Variants in RB1CC1 observed in about 807,000 individuals in gnomAD.
The protein encoded by RB1CC1 is RB1-inducible coiled-coil protein 1.
A neutral mutation model predicts 177.5 loss-of-function variants in RB1CC1; 46 were observed. That is an observed-to-expected ratio of 0.26 (90% confidence interval 0.20 to 0.33). The LOEUF (loss-of-function observed/expected upper bound fraction) is 0.33. Among genes scored for constraint, RB1CC1 ranks in the 10% least tolerant of loss-of-function variants. The pLI, the probability that RB1CC1 is intolerant of heterozygous loss-of-function variation, is 1.00. For missense variants in RB1CC1, 1,703 were observed against 1,816.3 expected, an observed-to-expected ratio of 0.94 and a Z score of 1.13; for synonymous variants, 666 against 613.6, an observed-to-expected ratio of 1.09 and a Z score of -1.26.
Position 52,674,086 on chromosome 8 carries a change from A to G in RB1CC1, c.761T>C (p.Leu254Ser), listed in dbSNP as rs1852851326. 6.2e-7 allele frequency: 1 copy of G among 1,614,174 alleles called. No individual in the cohort carries two copies. Among genetic ancestry groups the G allele is most frequent in the East Asian group, 2.2e-5 (1 of 44,864 alleles). Residue 254 changes from leucine (L) to serine (S), a missense_variant, in exon 7 of 24, where the codon TTG (leucine) becomes TCG (serine). Transcript: ENST00000025008. ...CACTGACTTGGGAAATGAGGTTAAC[A>G]AAGATTCGTTAGTTGTTCTAGGCAT... ...PDMPRTTNES[L>S]LTSFPKSVEH...
At chr8:52,709,328 A>G (rs898021612) in intron 1 of RB1CC1, among the ~76,000 whole-genome samples, 6 of 152,266 alleles carry the variant, frequency 3.9e-5, no homozygotes, top group African/African-American at 1.4e-4. Flanking sequence ...AGTATCTCAC[A>G]TACTCATTAA....
chr8:52,663,405 ATGT>A (rs1851798639), intron 8 of RB1CC1, among the ~76,000 whole-genome samples: 3 of 152,118 alleles, frequency 2.0e-5, no homozygotes, highest in African/African-American at 7.2e-5. Context: ...ATCCTCATAA[ATGT>A]TGTGGTTTTA....
intron 16 of RB1CC1, among the ~76,000 whole-genome samples, chr8:52,644,531 G>C (rs1849843622): frequency 6.6e-6 from 1 of 152,166 alleles, no homozygotes; most frequent in Non-Finnish European, 1.5e-5. Context: ...GATTCTTAGA[G>C]AGAGGTTACT....
At position 52,656,936 on chromosome 8, in the gene RB1CC1, G is replaced by C. The variant is rs763026435; in HGVS notation, c.2893C>G (p.Leu965Val). The C allele has an allele frequency of 3.1e-5, 50 of 1,613,184 alleles. No individual in the cohort carries two copies. The highest frequency in any genetic ancestry group is 4.2e-5 in the Non-Finnish European group (49 of 1,179,922). The change falls in exon 15 of 24, where the codon CTC becomes GTC. Residue 965 changes from leucine (L) to valine (V), a missense_variant. By Grantham distance (32) the Leu-to-Val change is conservative (BLOSUM62 1). Coordinates refer to ENST00000025008, the MANE Select transcript of RB1CC1 (RefSeq NM_014781.5). ...AACTTCTCATCATTTTCAACATGGA[G>C]CTTTTTTAAGTCTTCTAACACTATT... ...REIVLEDLKK[L>V]HVENDEKLQL...
chr8:52,651,046 A>G (rs1326235651), intron 15 of RB1CC1, among the ~76,000 whole-genome samples: 1 of 152,254 alleles, frequency 6.6e-6, no homozygotes, highest in Admixed American at 6.5e-5. Context: ...CAAAGAAGGA[A>G]TTGCAAAGCA....
In RB1CC1 at chr8:52,683,909, A is replaced by G; in HGVS notation, c.176T>C (p.Val59Ala). The stretch of plus-strand genomic sequence containing the variant: ...TACCGTCCCAGCACTGTAGGTACAC[A>G]CTCTTCGATCTGCAGCCATGCATTC... Reference protein sequence around the residue: ...GGECMAADRRVCTYSAGTDTN... With the variant: ...GGECMAADRRACTYSAGTDTN... Residue 59 changes from valine (V) to alanine (A), a missense_variant, in exon 4 of 24, where the codon GTG (valine) becomes GCG (alanine). Coordinates refer to ENST00000025008, the MANE Select transcript of RB1CC1 (RefSeq NM_014781.5). 1 of 1,613,976 alleles carries G rather than the reference A, an allele frequency of 6.2e-7. No individual in the cohort carries two copies. The highest frequency in any genetic ancestry group is 8.5e-7 in the Non-Finnish European group (1 of 1,179,996).
chr8:52,630,213 GT>G (rs1848661071), intron 21 of RB1CC1, among the ~76,000 whole-genome samples: 1 of 152,294 alleles, frequency 6.6e-6, no homozygotes, highest in South Asian at 2.1e-4. Context: ...ATGCTGAAAA[GT>G]TAACTGGAGG....
intron 15 of RB1CC1, among the ~76,000 whole-genome samples, chr8:52,649,383 C>T (rs1382096377): frequency 6.6e-6 from 1 of 152,198 alleles, no homozygotes; most frequent in Non-Finnish European, 1.5e-5. Flanking sequence ...ATTAAAATGT[C>T]AGTTCTAGCA....
At chr8:52,672,846 T>C (rs1186202446) in intron 7 of RB1CC1, among the ~76,000 whole-genome samples, 1 of 152,214 alleles carries the variant, frequency 6.6e-6, no homozygotes, top group Non-Finnish European at 1.5e-5. Flanking sequence ...ACATTGTCAA[T>C]AGTTTAAGCA....
At chr8:52,694,952 A>C (rs1179847546) in intron 1 of RB1CC1, among the ~76,000 whole-genome samples, 2 of 152,236 alleles carry the variant, frequency 1.3e-5, no homozygotes, top group African/African-American at 2.4e-5. Flanking sequence ...CAAGTGACTA[A>C]GGATTACTAT....
chr8:52,622,812 A>G lies in RB1CC1; in HGVS notation c.*970T>C, dbSNP rs1042746242. ...AACATGTTTCTCTTTGATATGATAC[A>G]TAACAATATTTTCACACTTCCCAGC... On this transcript the variant is annotated 3_prime_UTR_variant, in exon 24 of 24. Transcript: ENST00000025008. The G allele has an allele frequency of 1.3e-5, 2 of 152,108 alleles. No homozygotes were observed. Among genetic ancestry groups the G allele is most frequent in the African/African-American group, 4.8e-5 (2 of 41,426 alleles). The allele number at this position is 152,108 out of a possible 1,614,324, so 9.4% of individuals were successfully genotyped here. A position where few individuals can be genotyped will look rare whatever the true frequency, so the allele number is the denominator to read the frequency against.
rs760780039 is a variant in RB1CC1, at chr8:52,656,635, G to C, written c.3194C>G (p.Ala1065Gly). ...DTRCKLEVEL[A>G]LKEAETDEIK... Reference sequence around the variant, plus strand: ...TTCATCAGTTTCTGCTTCCTTCAACGCAAGTTCAACCTCTAACTTGCATCT... The same window carrying C: ...TTCATCAGTTTCTGCTTCCTTCAACCCAAGTTCAACCTCTAACTTGCATCT... Residue 1065 changes from alanine to glycine, a missense_variant, in exon 15 of 24, where the codon GCG becomes GGG. Ala to Gly is a moderately conservative substitution (Grantham distance 60). Coordinates refer to ENST00000025008, the MANE Select transcript of RB1CC1 (RefSeq NM_014781.5). The C allele has an allele frequency of 1.2e-6, 2 of 1,613,712 alleles. No individual in the cohort carries two copies. The highest frequency in any genetic ancestry group is 2.2e-5 in the East Asian group (1 of 44,848).
Position 52,668,064 on chromosome 8 carries a change from G to C in RB1CC1, c.1130C>G (p.Ala377Gly), listed in dbSNP as rs1368479045. 6.2e-7 allele frequency: 1 copy of C among 1,614,080 alleles called. No individual in the cohort carries two copies. Among genetic ancestry groups the C allele is most frequent in the Admixed American group, 1.7e-5 (1 of 60,026 alleles). The change falls in exon 8 of 24, where the codon GCT (alanine) becomes GGT (glycine). Residue 377 changes from alanine to glycine, a missense_variant. Transcript: ENST00000025008. The part of the protein sequence containing the change: ...DRLYALDQMI[A>G]SCGRLVNEQK... Reference sequence around the variant, plus strand: ...TTCATTCACCAGTCGGCCACAGCTAGCAATCATCTGGTCCAGGGCGTAGAG... The same window carrying C: ...TTCATTCACCAGTCGGCCACAGCTACCAATCATCTGGTCCAGGGCGTAGAG...
At chr8:52,707,176 T>C (rs74568012) in intron 1 of RB1CC1, among the ~76,000 whole-genome samples, 6,275 of 152,244 alleles carry the variant, frequency 0.041, 449 homozygotes, top group African/African-American at 0.14. Context: ...GGAAGTTATG[T>C]AAACCATAAA....
At position 52,624,647 on chromosome 8, in the gene RB1CC1, T is replaced by A. The variant is rs1053041113; in HGVS notation, c.4707+70A>T. ...GGCCAAGAACAGCAGTGGTAATGAT[T>A]TCTATATAAAGCAGTATTAAAATCT... On this transcript the variant is annotated intron_variant, in intron 23 of 23. Coordinates refer to ENST00000025008, the MANE Select transcript of RB1CC1 (RefSeq NM_014781.5). 16 of 1,240,982 alleles carry A rather than the reference T, an allele frequency of 1.3e-5. No homozygotes were observed. In the African/African-American group the frequency reaches 2.0e-4, roughly 15 times the overall value. The allele number at this position is 1,240,982 out of a possible 1,614,324, so 76.9% of individuals were successfully genotyped here.
chr8:52,638,345 C>CT (rs1331515197), intron 18 of RB1CC1, among the ~76,000 whole-genome samples: 2 of 151,962 alleles, frequency 1.3e-5, no homozygotes, highest in Admixed American at 1.3e-4. Flanking sequence ...ATTGGAATTC[C>CT]TTTTGTATTC....
At chr8:52,713,128 T>C (rs1363225550) in intron 1 of RB1CC1, among the ~76,000 whole-genome samples, 1 of 152,192 alleles carries the variant, frequency 6.6e-6, no homozygotes, top group Non-Finnish European at 1.5e-5. Flanking sequence ...CACAATAAAA[T>C]AGTTAGCAAA....
At chr8:52,698,268 G>A (rs1308791730) in intron 1 of RB1CC1, among the ~76,000 whole-genome samples, 3 of 151,854 alleles carry the variant, frequency 2.0e-5, no homozygotes, top group Non-Finnish European at 2.9e-5. Context: ...TTGTAGAGAC[G>A]GCGTTTCTCC....
intron 6 of RB1CC1, among the ~76,000 whole-genome samples, chr8:52,675,795 A>G (rs7015384): frequency 0.9 from 132,230 of 147,528 alleles, 59,307 homozygotes; most frequent in East Asian, 0.97. Context: ...GCTGAGGCAG[A>G]AGAATGGAGT....
Sources: allele counts gnomAD v4.1 joint callset (sites outside exome capture counted in the v4.1 genomes callset), GRCh38; gene constraint gnomAD v4.1.1; transcripts MANE v1.5; gene names NCBI Gene and HGNC (gene_info 2026-07-23, HGNC 2026-07-21).